The following HYDIN variants were observed in gnomAD, a reference collection of about 807,000 sequenced individuals.
HYDIN encodes axonemal central pair apparatus protein HYDIN.
In HYDIN, 132 loss-of-function variants were observed where a neutral mutation model predicts 403.9. The ratio of observed to expected loss-of-function variants is 0.33; its 90% CI spans 0.28 to 0.38. The LOEUF (loss-of-function observed/expected upper bound fraction) is 0.38. Ranked by LOEUF, HYDIN falls within the 10% of genes least tolerant of loss-of-function variation. HYDIN has a pLI of 1.00. For synonymous variants in HYDIN, 1,202 were observed against 1,891.7 expected (o/e 0.64, Z 9.46); for missense variants, 2,827 against 5,009.5 (o/e 0.56, Z 13.15).
chr16:71,045,307 G>T (rs2081416437), intron 18 of HYDIN, among the ~76,000 whole-genome samples: 1 of 152,110 alleles, frequency 6.6e-6, no homozygotes, highest in Non-Finnish European at 1.5e-5. Flanking sequence ...TTTTCTCCTT[G>T]TTCTTAGAGG....
intron 75 of HYDIN, among the ~76,000 whole-genome samples, chr16:70,843,105 A>G (rs1295553326): frequency 6.7e-6 from 1 of 149,906 alleles, no homozygotes; most frequent in Admixed American, 6.6e-5. Context: ...GGTTAGTTAC[A>G]TATGTATACA....
chr16:70,808,140 T>G, intron 85 of HYDIN, 78 bp from the exon 86 acceptor site: 1 of 1,491,286 alleles, frequency 6.7e-7, no homozygotes. Flanking sequence ...CCCCAGCCCC[T>G]CCACTCCTGG....
At chr16:70,957,328 A>ATT (rs567388952) in intron 39 of HYDIN, among the ~76,000 whole-genome samples, 3,859 of 137,484 alleles carry the variant, frequency 0.028, 144 homozygotes, top group African/African-American at 0.067. Flanking sequence ...TTTCCTTCCT[A>ATT]TTTTTTTTTT....
At chr16:71,215,779 A>AT (rs2088845884) in intron 1 of HYDIN, among the ~76,000 whole-genome samples, 1 of 123,460 alleles carries the variant, frequency 8.1e-6, no homozygotes, top group African/African-American at 3.5e-5. Context: ...ACAAAACAAT[A>AT]TTAAAAAAAA....
chr16:70,847,922 A>G (rs1207672472), intron 75 of HYDIN, among the ~76,000 whole-genome samples: 4 of 149,928 alleles, frequency 2.7e-5, no homozygotes, highest in Non-Finnish European at 5.9e-5. Context: ...GTATTTTGCT[A>G]TGCTTGATAA....
At chr16:71,110,492 A>G (rs990269730) in intron 10 of HYDIN, among the ~76,000 whole-genome samples, 1 of 142,918 alleles carries the variant, frequency 7.0e-6, no homozygotes, top group Non-Finnish European at 1.5e-5. Flanking sequence ...TATAATATAT[A>G]TATTTCATAT....
At position 71,143,774 on chromosome 16, in the gene HYDIN, T is replaced by C. The variant is rs968150923; in HGVS notation, c.842-6422A>G. Reference sequence around the variant, plus strand: ...CAACATTACAGTCAATTACTGACTATATTATATTTTGGTATGCCTCTATTG... The same window carrying C: ...CAACATTACAGTCAATTACTGACTACATTATATTTTGGTATGCCTCTATTG... On this transcript the variant is annotated intron_variant, in intron 7 of 85. Transcript: ENST00000393567. 2.2e-4 allele frequency among the ~76,000 whole-genome samples: 33 copies of C among 152,428 alleles called. No homozygotes were observed. The Middle Eastern group carries it at 0.014, about 63-fold the overall frequency.
At chr16:70,957,279 G>C (rs1453750615) in intron 39 of HYDIN, among the ~76,000 whole-genome samples, 1 of 151,368 alleles carries the variant, frequency 6.6e-6, no homozygotes, top group Non-Finnish European at 1.5e-5. Context: ...CCTTGCATAA[G>C]GTCCTCAAGG....
chr16:70,847,646 G>A (rs1268705878), intron 75 of HYDIN, among the ~76,000 whole-genome samples: 3 of 151,126 alleles, frequency 2.0e-5, no homozygotes, highest in Non-Finnish European at 4.4e-5. Context: ...CGTTGAATAT[G>A]TCATCACACT....
intron 7 of HYDIN, among the ~76,000 whole-genome samples, chr16:71,138,992 G>A (rs1433368896): frequency 2.0e-5 from 3 of 151,620 alleles, no homozygotes; most frequent in Admixed American, 6.6e-5. Context: ...GCTGAGGCAG[G>A]AGAATCACTT....
At chr16:71,108,070 G>C (rs2083682625) in intron 10 of HYDIN, among the ~76,000 whole-genome samples, 1 of 152,052 alleles carries the variant, frequency 6.6e-6, no homozygotes. Flanking sequence ...TGCAGAAACA[G>C]AAAAACAAAA....
At chr16:71,127,890 G>A (rs1440344430) in intron 9 of HYDIN, among the ~76,000 whole-genome samples, 1 of 151,466 alleles carries the variant, frequency 6.6e-6, no homozygotes, top group Non-Finnish European at 1.5e-5. Context: ...TCCTCATCTT[G>A]ATCTAACCCA....
At chr16:71,037,201 C>G (rs10735133) in intron 18 of HYDIN, among the ~76,000 whole-genome samples, 43,135 of 125,684 alleles carry the variant, frequency 0.34, 8,340 homozygotes, top group Non-Finnish European at 0.42. Context: ...ATGAGTGAGA[C>G]AGTGCAGGTA....
chr16:71,208,105 A>G (rs977315886), intron 1 of HYDIN, among the ~76,000 whole-genome samples: 1 of 152,324 alleles, frequency 6.6e-6, no homozygotes, highest in East Asian at 1.9e-4. Flanking sequence ...CCCAAAGACA[A>G]CAGAATATAC....
chr16:71,220,077 C>T (rs981788456), intron 1 of HYDIN, among the ~76,000 whole-genome samples: 1 of 152,116 alleles, frequency 6.6e-6, no homozygotes, highest in Non-Finnish European at 1.5e-5. Context: ...CACTATCCCC[C>T]AGAAGATTAA....
chr16:71,042,667 T>C (rs1420526928), intron 18 of HYDIN, among the ~76,000 whole-genome samples: 1 of 152,228 alleles, frequency 6.6e-6, no homozygotes, highest in African/African-American at 2.4e-5. Flanking sequence ...GTGGTTTTCA[T>C]GTATCTATCA....
intron 35 of HYDIN, 42 bp from the exon 36 acceptor site, chr16:70,970,801 C>T: frequency 1.3e-6 from 2 of 1,589,042 alleles, no homozygotes; most frequent in Non-Finnish European, 1.7e-6. Context: ...AGTTTATTTC[C>T]ATTACATGTC....
chr16:71,072,960 G>A (rs2082515105), intron 13 of HYDIN, among the ~76,000 whole-genome samples: 1 of 151,772 alleles, frequency 6.6e-6, no homozygotes, highest in Non-Finnish European at 1.5e-5. Flanking sequence ...ATTATGAGGT[G>A]GACCTCTGAG....
rs573020993 is a variant in HYDIN, at chr16:70,955,518, T to A, written c.6173A>T (p.Lys2058Met). The A allele has an allele frequency of 6.5e-7, 1 of 1,546,836 alleles. No individual in the cohort carries two copies. The highest frequency in any genetic ancestry group is 2.2e-5 in the East Asian group (1 of 44,522). Residue 2058 changes from lysine to methionine, a missense_variant, in exon 40 of 86, where the codon AAG becomes ATG. By Grantham distance (95) the Lys-to-Met change is moderately conservative (BLOSUM62 -1). Coordinates refer to ENST00000393567, the MANE Select transcript of HYDIN (RefSeq NM_001270974.2). ...GCTCAGGCAGGCTGCGTTGTAGTAC[T>A]TGGCCACGCTAACGGCATTGGCTGA... ...GKSANAVSVA[K>M]YYNAACLSID...
Sources: allele counts gnomAD v4.1 joint callset (sites outside exome capture counted in the v4.1 genomes callset), GRCh38; gene constraint gnomAD v4.1.1; transcripts MANE v1.5; gene names NCBI Gene and HGNC (gene_info 2026-07-23, HGNC 2026-07-21).